MYOF: variants seen among roughly 807,000 people sequenced by gnomAD.
MYOF encodes fer-1-like 3, myoferlin.
Under a neutral mutation model 284.2 loss-of-function variants are expected in MYOF, and 244 were observed. The ratio of observed to expected loss-of-function variants is 0.86; its 90% CI spans 0.77 to 0.95. The LOEUF is 0.95. MYOF is among the 40% of genes least tolerant of loss of function. The pLI is 0.00. For missense variants in MYOF, 2,496 were observed against 2,560.6 expected (o/e 0.97, Z 0.54); for synonymous variants, 904 against 919.7 (o/e 0.98, Z 0.31).
chr10:93,333,518 G>GT (rs1357174958), intron 42 of MYOF, among the ~76,000 whole-genome samples: 4 of 134,890 alleles, frequency 3.0e-5, no homozygotes, highest in Non-Finnish European at 6.7e-5. Flanking sequence ...GTGGCAGGGG[G>GT]CGGGGGGGAG....
intron 1 of MYOF, among the ~76,000 whole-genome samples, chr10:93,461,191 A>C (rs2056873172): frequency 6.6e-6 from 1 of 152,242 alleles, no homozygotes; most frequent in Admixed American, 6.5e-5. Context: ...GAGGGGGAAT[A>C]AACAGAAATA....
chr10:93,365,469 A>G (rs578074416), intron 26 of MYOF, among the ~76,000 whole-genome samples: 6 of 152,294 alleles, frequency 3.9e-5, no homozygotes, highest in African/African-American at 1.4e-4. Flanking sequence ...TATGAAATTC[A>G]TCCACTTACA....
intron 1 of MYOF, among the ~76,000 whole-genome samples, chr10:93,458,409 G>A (rs2056794963): frequency 6.6e-6 from 1 of 151,966 alleles, no homozygotes; most frequent in Non-Finnish European, 1.5e-5. Context: ...CCCTTTCACA[G>A]CTAAGGAAAC....
At chr10:93,361,330 G>A in intron 28 of MYOF, 122 bp downstream of exon 28, 1 of 892,364 alleles carries the variant, frequency 1.1e-6, no homozygotes, top group Non-Finnish European at 1.7e-6. Context: ...TCTGGCCTGG[G>A]GGCTGGGGAC....
At chr10:93,380,112 T>C (rs752041499) in intron 20 of MYOF, 125 bp from the exon 21 acceptor site, 154 of 1,229,756 alleles carry the variant, frequency 1.3e-4, no homozygotes, top group Non-Finnish European at 1.6e-4. Context: ...TGAGGTGGTC[T>C]GGTTCTTTAA....
chr10:93,395,931 A>C (rs1437555291), intron 16 of MYOF, among the ~76,000 whole-genome samples: 1 of 149,834 alleles, frequency 6.7e-6, no homozygotes, highest in East Asian at 1.9e-4. Flanking sequence ...TGCATACTAG[A>C]TTATGATTTT....
At position 93,366,373 on chromosome 10, in the gene MYOF, C is replaced by T. The variant is rs1446278659; in HGVS notation, c.2753+19G>A. 6.2e-7 allele frequency: 1 copy of T among 1,605,670 alleles called. No homozygotes were observed. The highest frequency in any genetic ancestry group is 8.5e-7 in the Non-Finnish European group (1 of 1,177,654). On this transcript the variant is annotated intron_variant, in intron 26 of 53. Transcript: ENST00000359263. Reference sequence around the variant, plus strand: ...AGATTTCATTGCTATCCTTTTTACTCAGAAAATGGACAACTTACCTTCTTT... The same window carrying T: ...AGATTTCATTGCTATCCTTTTTACTTAGAAAATGGACAACTTACCTTCTTT...
chr10:93,365,591 TG>T (rs1196103371), intron 26 of MYOF, among the ~76,000 whole-genome samples: 1 of 152,200 alleles, frequency 6.6e-6, no homozygotes, highest in Non-Finnish European at 1.5e-5. Flanking sequence ...ACAAGCAATG[TG>T]CCTTTGGACA....
At chr10:93,333,583 C>T (rs1055986784) in intron 42 of MYOF, among the ~76,000 whole-genome samples, 175 bp downstream of exon 42, 2 of 152,146 alleles carry the variant, frequency 1.3e-5, no homozygotes, top group Admixed American at 6.5e-5. Flanking sequence ...TTAAGCCCCC[C>T]GCAAGCTCTT....
chr10:93,390,714 T>C (rs1846635276), intron 17 of MYOF, among the ~76,000 whole-genome samples: 1 of 152,134 alleles, frequency 6.6e-6, no homozygotes, highest in African/African-American at 2.4e-5. Flanking sequence ...TATTTTGTTT[T>C]AGTGGAGGGA....
At chr10:93,454,038 C>T (rs139446281) in intron 2 of MYOF, among the ~76,000 whole-genome samples, 2,050 of 152,070 alleles carry the variant, frequency 0.013, 57 homozygotes, top group South Asian at 0.11. Context: ...CAAAATTAGC[C>T]AGGCGTAGTG....
At chr10:93,455,360 T>C (rs2056720342) in intron 2 of MYOF, among the ~76,000 whole-genome samples, 1 of 151,932 alleles carries the variant, frequency 6.6e-6, no homozygotes, top group African/African-American at 2.4e-5. Context: ...AAGTTTTTTG[T>C]TTCACTTCAT....
intron 24 of MYOF, 72 bp downstream of exon 24, chr10:93,372,858 T>C: frequency 6.4e-7 from 1 of 1,550,920 alleles, no homozygotes; most frequent in South Asian, 1.2e-5. Flanking sequence ...GCAAATGATA[T>C]AAAGCAGACC....
chr10:93,306,758 T>C lies in MYOF; in HGVS notation c.*205A>G, dbSNP rs889724569. The C allele has an allele frequency of 4.8e-5, 26 of 538,994 alleles. No homozygotes were observed. Among genetic ancestry groups the C allele is most frequent in the African/African-American group, 4.7e-4 (24 of 50,662 alleles). 33.4% of individuals were successfully genotyped at this position (538,994 alleles called of 1,614,324 possible). A position where few individuals can be genotyped will look rare whatever the true frequency, so the allele number is the denominator to read the frequency against. ...AAACTTTAGAAAATAAAACTTTTAA[T>C]ACTTAAGAGATAACATGATGCAAAC... On this transcript the variant is annotated 3_prime_UTR_variant, in exon 54 of 54. Transcript: ENST00000359263.
At chr10:93,351,140 C>A in intron 35 of MYOF, 57 bp downstream of exon 35, 2 of 1,535,930 alleles carry the variant, frequency 1.3e-6, no homozygotes, top group South Asian at 1.1e-5. Context: ...ACAAAAGATT[C>A]CTGTCCTGCA....
chr10:93,411,503 G>A (rs1017850073), intron 5 of MYOF, among the ~76,000 whole-genome samples: 7 of 152,204 alleles, frequency 4.6e-5, no homozygotes, highest in African/African-American at 1.7e-4. Flanking sequence ...GTGAATTGTG[G>A]AGGGACACAA....
chr10:93,436,259 C>T (rs896453417), intron 3 of MYOF, among the ~76,000 whole-genome samples: 1 of 152,100 alleles, frequency 6.6e-6, no homozygotes, highest in Non-Finnish European at 1.5e-5. Flanking sequence ...TCCATTCTGA[C>T]CCAATCAGTA....
chr10:93,369,110 C>CTTTATT (rs1845459668), intron 25 of MYOF, among the ~76,000 whole-genome samples: 1 of 78,308 alleles, frequency 1.3e-5, no homozygotes, highest in Non-Finnish European at 2.1e-5. Flanking sequence ...ATTCAGACAG[C>CTTTATT]TTTTTTTTTT....
At chr10:93,429,064 T>A (rs1848723793) in intron 4 of MYOF, among the ~76,000 whole-genome samples, 1 of 152,212 alleles carries the variant, frequency 6.6e-6, no homozygotes, top group Non-Finnish European at 1.5e-5. Context: ...ATAGTGGAGT[T>A]GGGCCCTGGT....
Sources: allele counts gnomAD v4.1 joint callset (sites outside exome capture counted in the v4.1 genomes callset), GRCh38; gene constraint gnomAD v4.1.1; transcripts MANE v1.5; gene names NCBI Gene and HGNC (gene_info 2026-07-23, HGNC 2026-07-21).